Variants in SLCO5A1 observed in about 807,000 individuals in gnomAD.
SLCO5A1 encodes organic anion transporter polypeptide-related protein 4.
SLCO5A1 carries 39 observed loss-of-function variants against 65.1 expected under a neutral mutation model. The ratio of observed to expected loss-of-function variants is 0.60; its 90% CI spans 0.46 to 0.78. The LOEUF (loss-of-function observed/expected upper bound fraction) is 0.78. SLCO5A1 is among the 30% of genes least tolerant of loss of function. The probability of loss-of-function intolerance (pLI) is 0.00; values close to 1 mark genes in which losing one functional copy is unlikely to be tolerated. For synonymous variants in SLCO5A1, 438 were observed against 415.7 expected (o/e 1.05, Z -0.65); for missense variants, 1,029 against 1,069.4 (o/e 0.96, Z 0.53).
intron 2 of SLCO5A1, among the ~76,000 whole-genome samples, chr8:69,798,265 C>T (rs1452806911): frequency 1.3e-5 from 2 of 152,154 alleles, no homozygotes; most frequent in Non-Finnish European, 2.9e-5. Context: ...TATGGCAATG[C>T]CCCACTCCTC....
chr8:69,755,757 C>T (rs1817515585), intron 3 of SLCO5A1, 116 bp from the exon 4 acceptor site: 2 of 818,312 alleles, frequency 2.4e-6, no homozygotes, highest in East Asian at 5.4e-5. Context: ...TTGTAATCAA[C>T]TGTAAAGCAG....
At chr8:69,765,211 T>C (rs1051721571) in intron 2 of SLCO5A1, among the ~76,000 whole-genome samples, 4 of 152,004 alleles carry the variant, frequency 2.6e-5, no homozygotes, top group Non-Finnish European at 5.9e-5. Context: ...CAGATACATA[T>C]ATATATACAC....
intron 3 of SLCO5A1, among the ~76,000 whole-genome samples, chr8:69,758,232 G>T (rs1376016517): frequency 6.6e-6 from 1 of 152,000 alleles, no homozygotes; most frequent in African/African-American, 2.4e-5. Context: ...TGTCACCCAG[G>T]CTGGAGTGCA....
intron 6 of SLCO5A1, among the ~76,000 whole-genome samples, chr8:69,698,139 G>A (rs1286553700): frequency 1.3e-5 from 2 of 152,178 alleles, no homozygotes; most frequent in East Asian, 1.9e-4. Context: ...AGTTTGCTTA[G>A]GATGATGGCC....
At chr8:69,697,990 G>T (rs1243640093) in intron 6 of SLCO5A1, among the ~76,000 whole-genome samples, 1 of 152,070 alleles carries the variant, frequency 6.6e-6, no homozygotes, top group Non-Finnish European at 1.5e-5. Context: ...TACTCAATGG[G>T]CAGTTTTTCC....
At chr8:69,804,931 A>G (rs142833111) in intron 2 of SLCO5A1, among the ~76,000 whole-genome samples, 30 of 152,322 alleles carry the variant, frequency 2.0e-4, no homozygotes, top group African/African-American at 7.2e-4. Flanking sequence ...CTCCTGGATG[A>G]AAGAAAAGGG....
chr8:69,732,812 C>G lies in SLCO5A1; in HGVS notation c.1423+5228G>C, dbSNP rs148627947. Among the ~76,000 whole-genome samples the G allele has an allele frequency of 4.5e-3, 685 of 152,106 alleles. 6 individuals are homozygous for G. Among genetic ancestry groups the G allele is most frequent in the African/African-American group, 0.015 (604 of 41,504 alleles). On this transcript the variant is annotated intron_variant, in intron 5 of 9. Transcript: ENST00000260126. ...GCTGAGGGAGGAGAATCACTTGAAC[C>G]CAAGAGGCAGAGGTTGCAGTGAGCC...
chr8:69,756,982 C>A lies in SLCO5A1; in HGVS notation c.1041-1341G>T, dbSNP rs143877874. Among the ~76,000 whole-genome samples, 192 of 152,328 alleles carry A rather than the reference C, an allele frequency of 1.3e-3. 1 individual carries two copies. Among genetic ancestry groups the A allele is most frequent in the African/African-American group, 4.5e-3 (186 of 41,572 alleles). ...TCAACACATTCCCATCAACTGTAAC[C>A]AGAATGCAAGCAGCATCATAAGTAT... On this transcript the variant is annotated intron_variant, in intron 3 of 9. Transcript: ENST00000260126.
intron 2 of SLCO5A1, among the ~76,000 whole-genome samples, chr8:69,811,609 G>A (rs1820208035): frequency 6.6e-6 from 1 of 152,178 alleles, no homozygotes; most frequent in Non-Finnish European, 1.5e-5. Flanking sequence ...TGGACGGGCT[G>A]AGCAAGCTTA....
At chr8:69,673,715 C>A (rs757677690) in intron 9 of SLCO5A1, among the ~76,000 whole-genome samples, 2 of 152,084 alleles carry the variant, frequency 1.3e-5, no homozygotes, top group Non-Finnish European at 2.9e-5. Flanking sequence ...ATTAAGTATT[C>A]AACAGGCTAT....
chr8:69,718,493 T>G (rs1815661566), intron 5 of SLCO5A1, among the ~76,000 whole-genome samples: 1 of 152,332 alleles, frequency 6.6e-6, no homozygotes, highest in Admixed American at 6.5e-5. Flanking sequence ...CAATCCAGTC[T>G]GTCACCATTA....
rs559681439 is a variant in SLCO5A1, at chr8:69,706,264, G to T, written c.1424-1035C>A. Among the ~76,000 whole-genome samples the T allele has an allele frequency of 3.9e-5, 6 of 152,278 alleles. No homozygotes were observed. The South Asian group carries it at 1.2e-3, about 32-fold the overall frequency. ...AGCATTGTCTGGGAATGCACAAACA[G>T]GTAGTACAACTATGAAGAAAACCCA... is the stretch of plus-strand genomic sequence containing the variant. On this transcript the variant is annotated intron_variant, in intron 5 of 9. Coordinates refer to ENST00000260126, the MANE Select transcript of SLCO5A1 (RefSeq NM_030958.3).
intron 2 of SLCO5A1, among the ~76,000 whole-genome samples, chr8:69,764,356 T>TA (rs1326604822): frequency 6.6e-6 from 1 of 152,226 alleles, no homozygotes; most frequent in Non-Finnish European, 1.5e-5. Flanking sequence ...CATTCACACC[T>TA]AAATACACTT....
chr8:69,673,392 A>T, intron 9 of SLCO5A1, 66 bp from the exon 10 acceptor site: 1 of 1,400,226 alleles, frequency 7.1e-7, no homozygotes, highest in Non-Finnish European at 9.9e-7. Flanking sequence ...ACAGGTTTGT[A>T]AATTAGCAAG....
intron 2 of SLCO5A1, among the ~76,000 whole-genome samples, chr8:69,808,311 T>A (rs1229582972): frequency 6.6e-6 from 1 of 152,118 alleles, no homozygotes; most frequent in Non-Finnish European, 1.5e-5. Flanking sequence ...TTTCCTGATC[T>A]TCTCCCTCCT....
At chr8:69,805,159 G>A (rs1314150092) in intron 2 of SLCO5A1, among the ~76,000 whole-genome samples, 2 of 151,956 alleles carry the variant, frequency 1.3e-5, no homozygotes, top group Admixed American at 6.6e-5. Context: ...GACAGGCTGT[G>A]TTCCAAAAGA....
At chr8:69,767,912 C>A (rs199825409) in intron 2 of SLCO5A1, among the ~76,000 whole-genome samples, 23,789 of 109,872 alleles carry the variant, frequency 0.22, 2,891 homozygotes, top group African/African-American at 0.4. Context: ...AAAAAAAAAA[C>A]AAAAAGAAAA....
At chr8:69,730,546 G>A (rs1014061003) in intron 5 of SLCO5A1, among the ~76,000 whole-genome samples, 4 of 152,144 alleles carry the variant, frequency 2.6e-5, no homozygotes, top group East Asian at 1.9e-4. Flanking sequence ...GAGTCCCTGC[G>A]AGGAGTAACT....
chr8:69,702,311 C>A (rs1205117646), intron 6 of SLCO5A1, among the ~76,000 whole-genome samples: 3 of 152,244 alleles, frequency 2.0e-5, no homozygotes, highest in Non-Finnish European at 4.4e-5. Context: ...CTGCTAACAT[C>A]ACCCCAATTT....
Sources: allele counts gnomAD v4.1 joint callset (sites outside exome capture counted in the v4.1 genomes callset), GRCh38; gene constraint gnomAD v4.1.1; transcripts MANE v1.5; gene names NCBI Gene and HGNC (gene_info 2026-07-23, HGNC 2026-07-21).